The following KDM1A variants were observed in gnomAD, a reference collection of about 807,000 sequenced individuals.
KDM1A encodes lysine demethylase 1A.
KDM1A carries 49 observed loss-of-function variants against 109.4 expected under a neutral mutation model. The ratio of observed to expected loss-of-function variants is 0.45; its 90% CI spans 0.36 to 0.57. The LOEUF (loss-of-function observed/expected upper bound fraction) is 0.57, where lower values mean the gene tolerates loss of function less well. KDM1A is among the 20% of genes least tolerant of loss of function. The pLI is 0.00. For synonymous variants in KDM1A, 380 were observed against 415.4 expected, an observed-to-expected ratio of 0.91 and a Z score of 1.04; for missense variants, 668 against 1,116.6, an observed-to-expected ratio of 0.60 and a Z score of 5.73.
At chr1:23,056,550 G>A (rs1439152468) in intron 7 of KDM1A, among the ~76,000 whole-genome samples, 1 of 151,946 alleles carries the variant, frequency 6.6e-6, no homozygotes, top group Non-Finnish European at 1.5e-5. Flanking sequence ...TACTATTCAA[G>A]CTATTTTCAT....
intron 9 of KDM1A, among the ~76,000 whole-genome samples, chr1:23,060,155 TGAGA>T (rs1642959456): frequency 6.6e-6 from 1 of 152,140 alleles, no homozygotes; most frequent in Non-Finnish European, 1.5e-5. Context: ...CTGAGCAGAA[TGAGA>T]GAGAAAGGAT....
At chr1:23,020,001 G>C (rs1445162383) in intron 1 of KDM1A, 54 bp downstream of exon 1, 1 of 1,410,890 alleles carries the variant, frequency 7.1e-7, no homozygotes, top group African/African-American at 1.5e-5. Flanking sequence ...GCTTCCCCGA[G>C]GCTTCTCCGC....
At chr1:23,037,303 CA>C (rs34692132) in intron 2 of KDM1A, among the ~76,000 whole-genome samples, 1,670 of 55,892 alleles carry the variant, frequency 0.03, 23 homozygotes, top group East Asian at 0.14. Context: ...GACCCTGTCT[CA>C]AAAAAAAAAA....
In KDM1A at chr1:23,053,700, A is replaced by T. The variant is rs1002944582; in HGVS notation, c.712-61A>T. 2.6e-6 allele frequency: 3 copies of T among 1,160,788 alleles called. No individual in the cohort carries two copies. The African/African-American group carries it at 4.6e-5, about 18-fold the overall frequency. The allele number at this position is 1,160,788 out of a possible 1,614,324, so 71.9% of individuals were successfully genotyped here. On this transcript the variant is annotated intron_variant, in intron 4 of 20. Transcript: ENST00000400181. ...TGCAGCCAGCTAAAAGATGATTTTA[A>T]AGATAGTCAAATAACATATGTCTAT...
chr1:23,048,056 TAAGG>T (rs1642553661), intron 3 of KDM1A, among the ~76,000 whole-genome samples: 1 of 152,202 alleles, frequency 6.6e-6, no homozygotes, highest in South Asian at 2.1e-4. Context: ...ATAACATAGC[TAAGG>T]AAGAAAACTA....
At chr1:23,020,665 C>T (rs1280756678) in intron 1 of KDM1A, 1 of 152,088 alleles carries the variant, frequency 6.6e-6, no homozygotes, top group Non-Finnish European at 1.5e-5. Context: ...GTCCTAGATG[C>T]TATATTCAGC....
chr1:23,079,733 G>A lies in KDM1A; in HGVS notation c.2170+66G>A, dbSNP rs1643564783. 1 of 1,064,734 alleles carries A rather than the reference G, an allele frequency of 9.4e-7. No homozygotes were observed. The highest frequency in any genetic ancestry group is 1.3e-6 in the Non-Finnish European group (1 of 743,480). 66.0% of individuals were successfully genotyped at this position (1,064,734 alleles called of 1,614,324 possible). The stretch of plus-strand genomic sequence containing the variant: ...GGAATATAGAATTTGAAATATTTTG[G>A]GTTTTCTCAATATATATGCCTTAAT... On this transcript the variant is annotated intron_variant, in intron 18 of 20. Transcript: ENST00000400181. This position sits in a 1 kb window ranked among gnomAD's most constrained non-coding sequence, Gnocchi z 5.6.
intron 10 of KDM1A, 138 bp from the exon 11 acceptor site, chr1:23,068,401 A>C: frequency 4.7e-6 from 3 of 638,120 alleles, no homozygotes; most frequent in Non-Finnish European, 7.5e-6. Context: ...TAGAAAAGAA[A>C]ATTTGAATCA....
At chr1:23,061,197 G>T (rs1275207252) in intron 9 of KDM1A, among the ~76,000 whole-genome samples, 2 of 152,146 alleles carry the variant, frequency 1.3e-5, no homozygotes, top group East Asian at 3.9e-4. Flanking sequence ...TCAATTACCA[G>T]TGTGGAATGA....
chr1:23,025,329 AT>A (rs35274209), intron 1 of KDM1A, among the ~76,000 whole-genome samples: 87,904 of 128,912 alleles, frequency 0.68, 29,280 homozygotes, highest in Non-Finnish European at 0.76. Flanking sequence ...AAGATGAAAG[AT>A]TTTTTTTTTT....
chr1:23,040,419 ACTGAAAGGCTGTTATGTAAGATAAAT>A (rs1217763752), intron 2 of KDM1A, among the ~76,000 whole-genome samples: 2 of 152,248 alleles, frequency 1.3e-5, no homozygotes, highest in Non-Finnish European at 2.9e-5. Flanking sequence ...CTAGAAGACA[ACTGAAAGGCTGTTATGTAAGATAAAT>A]CAAAAAGATC....
At chr1:23,024,223 G>T (rs1569615862) in intron 1 of KDM1A, among the ~76,000 whole-genome samples, 1 of 152,106 alleles carries the variant, frequency 6.6e-6, no homozygotes, top group East Asian at 1.9e-4. Flanking sequence ...ATCCCCCATT[G>T]TAATTAGCTC....
At chr1:23,052,136 C>T (rs1235810137) in intron 4 of KDM1A, among the ~76,000 whole-genome samples, 1 of 152,152 alleles carries the variant, frequency 6.6e-6, no homozygotes, top group Non-Finnish European at 1.5e-5. Flanking sequence ...TCTGTCTTTT[C>T]TGATTCACCA....
intron 20 of KDM1A, 42 bp downstream of exon 20, chr1:23,082,408 C>T (rs751398556): frequency 2.0e-6 from 3 of 1,533,260 alleles, no homozygotes; most frequent in Non-Finnish European, 2.6e-6. Context: ...TGGGAAGAGG[C>T]CAGGATCTCA....
chr1:23,030,777 TTGTGTGTGTGTATACATATACATGTATA>T, intron 2 of KDM1A, 143 bp downstream of exon 2: 1 of 818,252 alleles, frequency 1.2e-6, no homozygotes, highest in Admixed American at 3.1e-5. Flanking sequence ...ATGTGTGTCT[TTGTGTGTGTGTATACATATACATGTATA>T]TGTGTGTATG....
intron 3 of KDM1A, among the ~76,000 whole-genome samples, chr1:23,044,810 A>G (rs1194888452): frequency 6.6e-6 from 1 of 152,188 alleles, no homozygotes; most frequent in Non-Finnish European, 1.5e-5. Flanking sequence ...CCTTAAAGAG[A>G]AATACAGCAG....
intron 2 of KDM1A, among the ~76,000 whole-genome samples, chr1:23,040,003 T>C (rs1455360930): frequency 6.6e-6 from 1 of 152,252 alleles, no homozygotes; most frequent in African/African-American, 2.4e-5. Flanking sequence ...AAGTTGGCTT[T>C]AACTTTTGAA....
intron 14 of KDM1A, 66 bp downstream of exon 14, chr1:23,072,263 G>A (rs1643342533): frequency 8.7e-6 from 10 of 1,148,144 alleles, no homozygotes; most frequent in Non-Finnish European, 1.3e-6. Flanking sequence ...TGATTTGGAA[G>A]GAAAATTCTA....
At chr1:23,061,340 A>G (rs1642994736) in intron 9 of KDM1A, among the ~76,000 whole-genome samples, 1 of 152,166 alleles carries the variant, frequency 6.6e-6, no homozygotes, top group African/African-American at 2.4e-5. Flanking sequence ...CCCTTTGAGT[A>G]GCACTATAAA....
Sources: gnomAD v4.1 joint callset for allele counts (sites outside exome capture counted in the v4.1 genomes callset) on GRCh38, gnomAD v4.1.1 for gene constraint, Gnocchi (gnomAD v3.1) non-coding constraint, MANE v1.5 for transcripts, NCBI Gene and HGNC (gene_info 2026-07-23, HGNC 2026-07-21) for gene names.